GPC6: variants seen among roughly 807,000 people sequenced by gnomAD.
GPC6 encodes glypican 6.
GPC6 carries 14 observed loss-of-function variants against 55.2 expected under a neutral mutation model. That is an observed-to-expected ratio of 0.25 (90% CI 0.17 to 0.40). GPC6 has a LOEUF of 0.40. GPC6 is among the 10% of genes least tolerant of loss of function. The pLI is 1.00. For synonymous variants in GPC6, 278 were observed against 259.6 expected, an observed-to-expected ratio of 1.07 and a Z score of -0.68; for missense variants, 641 against 708.5, an observed-to-expected ratio of 0.90 and a Z score of 1.08.
intron 1 of GPC6, among the ~76,000 whole-genome samples, chr13:93,337,009 T>C (rs1880070330): frequency 6.6e-6 from 1 of 152,218 alleles, no homozygotes; most frequent in African/African-American, 2.4e-5. Flanking sequence ...ATTTTAATGA[T>C]GCCAAAACAC....
intron 4 of GPC6, among the ~76,000 whole-genome samples, chr13:94,164,720 C>T (rs1888290206): frequency 6.6e-6 from 1 of 152,098 alleles, no homozygotes; most frequent in South Asian, 2.1e-4. Context: ...CTTAAAGAAT[C>T]TCATCATAAC....
chr13:93,575,403 G>A (rs1391097854), intron 2 of GPC6, among the ~76,000 whole-genome samples: 4 of 152,116 alleles, frequency 2.6e-5, no homozygotes, highest in Admixed American at 6.6e-5. Context: ...TTCTAAAACC[G>A]GAGTGTGTTA....
intron 1 of GPC6, among the ~76,000 whole-genome samples, chr13:93,397,773 TC>T (rs1379265657): frequency 6.6e-6 from 1 of 151,704 alleles, no homozygotes; most frequent in African/African-American, 2.4e-5. Flanking sequence ...TTTTTTTTTT[TC>T]TCTGCTCAAA....
chr13:93,534,901 C>T lies in GPC6; in HGVS notation c.161-10362C>T, dbSNP rs1336152576. ...TAAAAAGGTGGGGACCCAAGGAACT[C>T]ACTGGCATTCACTTCAAGTGCCCTA... On this transcript the variant is annotated intron_variant, in intron 1 of 8. Transcript: ENST00000377047. 2.0e-5 allele frequency among the ~76,000 whole-genome samples: 3 copies of T among 152,124 alleles called. No homozygotes were observed. The South Asian group carries it at 6.2e-4, about 32-fold the overall frequency.
chr13:93,223,609 A>T (rs993919332), upstream of GPC6, among the ~76,000 whole-genome samples: 2 of 151,804 alleles, frequency 1.3e-5, no homozygotes, highest in Non-Finnish European at 2.9e-5. Flanking sequence ...ACACCAGCGA[A>T]TTTTTTGTAT....
intron 3 of GPC6, among the ~76,000 whole-genome samples, chr13:93,960,350 C>T (rs1296927213): frequency 1.3e-5 from 2 of 152,216 alleles, no homozygotes; most frequent in Non-Finnish European, 2.9e-5. Context: ...CTGCCCATAA[C>T]CCATCACAGT....
At chr13:93,541,964 C>T (rs1211909744) in intron 1 of GPC6, among the ~76,000 whole-genome samples, 1 of 151,998 alleles carries the variant, frequency 6.6e-6, no homozygotes, top group Non-Finnish European at 1.5e-5. Context: ...TTTTTCCCAT[C>T]TTGTAGGTTG....
chr13:93,561,779 AC>A (rs1875827031), intron 2 of GPC6, among the ~76,000 whole-genome samples: 2 of 152,136 alleles, frequency 1.3e-5, no homozygotes, highest in Non-Finnish European at 2.9e-5. Flanking sequence ...TATCCATTCT[AC>A]CGACAGAGAG....
At chr13:94,038,915 A>C (rs1025730707) in intron 4 of GPC6, among the ~76,000 whole-genome samples, 15 of 152,076 alleles carry the variant, frequency 9.9e-5, no homozygotes, top group African/African-American at 3.6e-4. Context: ...GTCAGAACTG[A>C]AGTGACAAGA....
At chr13:94,025,747 A>G (rs2138718094) in intron 3 of GPC6, 1 of 152,314 alleles carries the variant, frequency 6.6e-6, no homozygotes, top group South Asian at 2.1e-4. Context: ...GAATTAATCG[A>G]TAGGAAACCC....
At chr13:93,332,957 T>A (rs1304311367) in intron 1 of GPC6, among the ~76,000 whole-genome samples, 1 of 152,220 alleles carries the variant, frequency 6.6e-6, no homozygotes, top group Non-Finnish European at 1.5e-5. Context: ...TTGAAAAGAC[T>A]GTTGTTACCT....
At chr13:94,266,426 C>G (rs1891819196) in intron 4 of GPC6, among the ~76,000 whole-genome samples, 1 of 152,142 alleles carries the variant, frequency 6.6e-6, no homozygotes, top group Admixed American at 6.5e-5. Context: ...CCTTGGCCTC[C>G]CAAAGTGCTG....
chr13:94,167,082 T>G (rs1262920313), intron 4 of GPC6, among the ~76,000 whole-genome samples: 1 of 152,204 alleles, frequency 6.6e-6, no homozygotes, highest in African/African-American at 2.4e-5. Context: ...ACTCTAGATG[T>G]TTTTTCCATT....
intron 6 of GPC6, among the ~76,000 whole-genome samples, chr13:94,349,898 C>T (rs985457319): frequency 6.6e-6 from 1 of 152,058 alleles, no homozygotes; most frequent in Non-Finnish European, 1.5e-5. Flanking sequence ...TTTATCTAAC[C>T]CAGTCGGTGA....
At chr13:93,843,834 C>G (rs1274084355) in intron 3 of GPC6, among the ~76,000 whole-genome samples, 8 of 152,094 alleles carry the variant, frequency 5.3e-5, no homozygotes, top group Non-Finnish European at 1.2e-4. Flanking sequence ...TGCTAGTTGC[C>G]ATTTAGCTCA....
At chr13:93,380,286 A>G (rs981430837) in intron 1 of GPC6, among the ~76,000 whole-genome samples, 11 of 152,312 alleles carry the variant, frequency 7.2e-5, no homozygotes, top group African/African-American at 2.6e-4. Context: ...ACCTAGATAT[A>G]AATTTTGCAG....
At chr13:93,882,944 C>T (rs556492097) in intron 3 of GPC6, among the ~76,000 whole-genome samples, 8 of 152,198 alleles carry the variant, frequency 5.3e-5, no homozygotes, top group Non-Finnish European at 7.3e-5. Flanking sequence ...TTCTAAGAAA[C>T]GTCCCTTGTA....
intron 2 of GPC6, among the ~76,000 whole-genome samples, chr13:93,640,753 TTCCCTCCCTCCTCCCCACTTTC>T (rs1566463602): frequency 1.6e-5 from 1 of 62,784 alleles, no homozygotes; most frequent in Admixed American, 2.2e-4. Flanking sequence ...CCCACTTTCC[TTCCCTCCCTCCTCCCCACTTTC>T]CTTCCCTCCC....
chr13:93,431,955 G>C (rs576305503), intron 1 of GPC6, among the ~76,000 whole-genome samples: 1 of 152,116 alleles, frequency 6.6e-6, no homozygotes, highest in Non-Finnish European at 1.5e-5. Context: ...GTTTGGTAAA[G>C]TCAGTTTAAT....
Sources: allele counts gnomAD v4.1 joint callset (sites outside exome capture counted in the v4.1 genomes callset), GRCh38; gene constraint gnomAD v4.1.1; transcripts MANE v1.5; gene names NCBI Gene and HGNC (gene_info 2026-07-23, HGNC 2026-07-21).